Variants in STK31 observed in about 807,000 individuals in gnomAD.
STK31 encodes serine/threonine kinase 31.
STK31 carries 89 observed loss-of-function variants against 129.7 expected under a neutral mutation model. That is an observed-to-expected ratio of 0.69 (90% CI 0.58 to 0.82). STK31 has a LOEUF of 0.82. STK31 is among the 40% of genes least tolerant of loss of function. The probability of loss-of-function intolerance (pLI) is 0.00; values close to 1 mark genes in which losing one functional copy is unlikely to be tolerated. For missense variants in STK31, 1,187 were observed against 1,176.4 expected, an observed-to-expected ratio of 1.01 and a Z score of -0.13; for synonymous variants, 448 against 395.3, an observed-to-expected ratio of 1.13 and a Z score of -1.58.
intron 23 of STK31, among the ~76,000 whole-genome samples, chr7:23,824,862 G>C (rs555857589): frequency 0.025 from 3,730 of 151,596 alleles, 84 homozygotes; most frequent in African/African-American, 0.061. Context: ...TAATCATGTG[G>C]TTTTTGTCTT....
chr7:23,714,874 T>A (rs1786205387), intron 3 of STK31, among the ~76,000 whole-genome samples: 3 of 152,208 alleles, frequency 2.0e-5, no homozygotes, highest in Admixed American at 2.0e-4. Flanking sequence ...GCCAACATAG[T>A]GCAAAGCAGC....
intron 15 of STK31, among the ~76,000 whole-genome samples, chr7:23,776,412 CTCT>C (rs1375995763): frequency 2.0e-5 from 3 of 152,072 alleles, no homozygotes; most frequent in African/African-American, 7.2e-5. Flanking sequence ...ATGGTACTAG[CTCT>C]TCTTTGTACC....
chr7:23,826,452 C>T (rs1267778776), intron 23 of STK31, among the ~76,000 whole-genome samples: 3 of 151,998 alleles, frequency 2.0e-5, no homozygotes, highest in Non-Finnish European at 4.4e-5. Context: ...ATTTGCTTGG[C>T]AGATCTTCCT....
At chr7:23,766,953 A>G (rs1445883397) in intron 11 of STK31, among the ~76,000 whole-genome samples, 1 of 152,162 alleles carries the variant, frequency 6.6e-6, no homozygotes, top group Non-Finnish European at 1.5e-5. Context: ...GGGATCCTTG[A>G]CTTAACCATG....
chr7:23,768,487 C>T (rs577630278), intron 11 of STK31, among the ~76,000 whole-genome samples: 16 of 152,204 alleles, frequency 1.1e-4, no homozygotes, highest in Middle Eastern at 6.8e-3. Flanking sequence ...ATTTGGCAAT[C>T]GGTCTTAGAA....
At chr7:23,814,050 T>G (rs1157930153) in intron 22 of STK31, among the ~76,000 whole-genome samples, 1 of 151,860 alleles carries the variant, frequency 6.6e-6, no homozygotes, top group Non-Finnish European at 1.5e-5. Context: ...CATGGTGGTG[T>G]TGATGGCAAT....
chr7:23,744,162 C>T (rs1009930586), intron 8 of STK31, among the ~76,000 whole-genome samples: 1 of 151,782 alleles, frequency 6.6e-6, no homozygotes, highest in African/African-American at 2.4e-5. Flanking sequence ...TCAAGTGATC[C>T]TCCTGCCTCA....
intron 12 of STK31, 23 bp downstream of exon 12, chr7:23,769,197 T>C: frequency 6.6e-7 from 1 of 1,517,730 alleles, no homozygotes; most frequent in Non-Finnish European, 8.8e-7. Flanking sequence ...CCTGCCCGGT[T>C]GTGTTTGTAG....
intron 22 of STK31, among the ~76,000 whole-genome samples, chr7:23,814,601 G>T (rs1386962829): frequency 6.6e-6 from 1 of 152,074 alleles, no homozygotes; most frequent in Non-Finnish European, 1.5e-5. Flanking sequence ...TTTGTTCATA[G>T]GGTAAGAGTG....
chr7:23,767,932 T>G (rs939614450), intron 11 of STK31, among the ~76,000 whole-genome samples: 6 of 152,202 alleles, frequency 3.9e-5, no homozygotes, highest in African/African-American at 1.4e-4. Context: ...CTTATCTCTG[T>G]AAAATTTCTA....
intron 23 of STK31, among the ~76,000 whole-genome samples, chr7:23,818,999 G>C (rs924599252): frequency 6.6e-6 from 1 of 152,034 alleles, no homozygotes; most frequent in African/African-American, 2.4e-5. Flanking sequence ...TAATTAACTT[G>C]TTTGGTCTCA....
At chr7:23,766,455 T>C (rs758545548) in intron 11 of STK31, among the ~76,000 whole-genome samples, 1 of 152,168 alleles carries the variant, frequency 6.6e-6, no homozygotes, top group African/African-American at 2.4e-5. Context: ...GGTTTCACGA[T>C]GTTGGCCGGG....
chr7:23,771,122 G>C lies in STK31; in HGVS notation c.1831G>C (p.Glu611Gln). 1 of 1,575,698 alleles carries C rather than the reference G, an allele frequency of 6.3e-7. No homozygotes were observed. Among genetic ancestry groups the C allele is most frequent in the Non-Finnish European group, 8.6e-7 (1 of 1,166,324 alleles). The change falls in exon 14 of 24, where the codon GAG (glutamate) becomes CAG (glutamine). Residue 611 changes from glutamate to glutamine, a missense_variant and splice_region_variant. Glu to Gln is a conservative substitution (Grantham distance 29). Coordinates refer to ENST00000355870, the MANE Select transcript of STK31 (RefSeq NM_031414.5). The stretch of plus-strand genomic sequence containing the variant: ...ACAAGCTAAGTACAAGGACAGTATT[G>C]AGGTTTGATTGTGCTTTCTCTTATT... ...TVQAKYKDSI[E>Q]FKKQLIEYLN...
At chr7:23,812,202 T>C (rs1793178001) in intron 22 of STK31, among the ~76,000 whole-genome samples, 1 of 152,178 alleles carries the variant, frequency 6.6e-6, no homozygotes, top group Non-Finnish European at 1.5e-5. Context: ...GATGGATAGT[T>C]TTACTGGACA....
chr7:23,750,177 G>A (rs2128091136), intron 8 of STK31, among the ~76,000 whole-genome samples: 1 of 149,958 alleles, frequency 6.7e-6, no homozygotes. Flanking sequence ...ATTCACAAAA[G>A]CATGGGGGCC....
chr7:23,754,807 T>C (rs1463730241), intron 10 of STK31, among the ~76,000 whole-genome samples: 1 of 152,188 alleles, frequency 6.6e-6, no homozygotes, highest in Non-Finnish European at 1.5e-5. Context: ...GCTTCATCCA[T>C]GTCGTTGCAA....
intron 4 of STK31, among the ~76,000 whole-genome samples, chr7:23,718,621 T>A (rs1353090675): frequency 6.6e-6 from 1 of 152,156 alleles, no homozygotes; most frequent in Non-Finnish European, 1.5e-5. Context: ...TGGCTTCTTT[T>A]GTTCAACATA....
At chr7:23,831,743 G>A (rs1794560628) in intron 23 of STK31, among the ~76,000 whole-genome samples, 1 of 152,136 alleles carries the variant, frequency 6.6e-6, no homozygotes, top group African/African-American at 2.4e-5. Context: ...TTTACCAGTG[G>A]AGTTTATATG....
chr7:23,788,212 A>G, intron 21 of STK31, 83 bp downstream of exon 21: 2 of 1,122,248 alleles, frequency 1.8e-6, no homozygotes, highest in Non-Finnish European at 2.4e-6. Flanking sequence ...ATATAATATA[A>G]TACTTTATTA....
Sources: gnomAD v4.1 joint callset for allele counts (sites outside exome capture counted in the v4.1 genomes callset) on GRCh38, gnomAD v4.1.1 for gene constraint, MANE v1.5 for transcripts, NCBI Gene and HGNC (gene_info 2026-07-23, HGNC 2026-07-21) for gene names.